Variants in TXLNB observed in about 807,000 individuals in gnomAD.
TXLNB encodes the protein taxilin beta, also known as beta-taxilin.
Under a neutral mutation model 57.4 loss-of-function variants are expected in TXLNB, and 37 were observed. The observed-to-expected ratio is 0.64, with a 90% confidence interval of 0.50 to 0.85. The LOEUF (loss-of-function observed/expected upper bound fraction) is 0.85, where lower values mean the gene tolerates loss of function less well. TXLNB is among the 40% of genes least tolerant of loss of function. The probability of loss-of-function intolerance (pLI) is 0.00; values close to 1 mark genes in which losing one functional copy is unlikely to be tolerated. For synonymous variants in TXLNB, 302 were observed against 309.6 expected, an observed-to-expected ratio of 0.98 and a Z score of 0.26; for missense variants, 848 against 825.6, an observed-to-expected ratio of 1.03 and a Z score of -0.33.
chr6:139,318,138 C>A, the TXLNB span, among the ~76,000 whole-genome samples: 18 of 151,282 alleles, frequency 1.2e-4, no homozygotes, highest in Admixed American at 8.6e-4. Flanking sequence ...GGGGTGGTGG[C>A]GGGTGCCTGT....
At chr6:139,188,925 T>C in the TXLNB span, among the ~76,000 whole-genome samples, 1 of 152,176 alleles carries the variant, frequency 6.6e-6, no homozygotes, top group Non-Finnish European at 1.5e-5. Flanking sequence ...TGGCTATCTT[T>C]TTGTATTTTT....
chr6:139,303,335 T>A, the TXLNB span, among the ~76,000 whole-genome samples: 1 of 152,166 alleles, frequency 6.6e-6, no homozygotes, highest in Non-Finnish European at 1.5e-5. Flanking sequence ...TGGCGCTGGA[T>A]GGAAGTACAC....
At chr6:139,193,837 TATA>T in the TXLNB span, among the ~76,000 whole-genome samples, 4 of 54,326 alleles carry the variant, frequency 7.4e-5, no homozygotes, top group East Asian at 6.2e-4. Context: ...TATATATATA[TATA>T]TTTTTTTTTT....
At chr6:139,278,550 CT>C (rs1776959900) in intron 2 of TXLNB, among the ~76,000 whole-genome samples, 1 of 152,204 alleles carries the variant, frequency 6.6e-6, no homozygotes. Context: ...ATCCCTTCAC[CT>C]TTGTCTTCAG....
At chr6:139,259,940 C>T (rs190057909) in intron 6 of TXLNB, among the ~76,000 whole-genome samples, 24 of 152,166 alleles carry the variant, frequency 1.6e-4, no homozygotes, top group Middle Eastern at 3.4e-3. Context: ...AAACAACTTG[C>T]GTCCAGGCGC....
the TXLNB span, among the ~76,000 whole-genome samples, chr6:139,176,121 T>C: frequency 6.6e-6 from 1 of 152,192 alleles, no homozygotes; most frequent in Non-Finnish European, 1.5e-5. This position sits in a 1 kb window ranked among gnomAD's most constrained non-coding sequence, Gnocchi z 4.5. Context: ...TAAAAGAGTG[T>C]TTATCTCAGG....
chr6:139,266,093 A>C (rs1182083990), intron 4 of TXLNB, among the ~76,000 whole-genome samples: 1 of 152,246 alleles, frequency 6.6e-6, no homozygotes, highest in East Asian at 1.9e-4. Flanking sequence ...GAATCTAACC[A>C]AATTAATTGT....
intron 2 of TXLNB, chr6:139,283,002 G>C (rs1777089412): frequency 6.9e-6 from 1 of 145,542 alleles, no homozygotes; most frequent in East Asian, 2.0e-4. Flanking sequence ...AGATACCTCT[G>C]AGCCTGGAGG....
At chr6:139,250,465 A>G (rs1776176130) in intron 7 of TXLNB, among the ~76,000 whole-genome samples, 1 of 147,844 alleles carries the variant, frequency 6.8e-6, no homozygotes, top group African/African-American at 2.5e-5. Flanking sequence ...ACTGTGCCCT[A>G]GGGTTAGCTC....
At chr6:139,159,365 G>C in the TXLNB span, 1 of 152,134 alleles carries the variant, frequency 6.6e-6, no homozygotes, top group Non-Finnish European at 1.5e-5. Flanking sequence ...TAATAAAACA[G>C]TTTTGAAACC....
chr6:139,207,984 G>A, the TXLNB span, among the ~76,000 whole-genome samples: 3 of 152,124 alleles, frequency 2.0e-5, no homozygotes, highest in South Asian at 2.1e-4. Flanking sequence ...GCTGACGTAT[G>A]AGAATTGCTT....
chr6:139,314,739 T>G, the TXLNB span, among the ~76,000 whole-genome samples: 16 of 152,306 alleles, frequency 1.1e-4, no homozygotes, highest in Non-Finnish European at 1.5e-4. Flanking sequence ...TTTGCAAAAT[T>G]ATAACTGAGG....
chr6:139,317,236 C>A, the TXLNB span, among the ~76,000 whole-genome samples: 46 of 152,102 alleles, frequency 3.0e-4, 2 homozygotes, highest in African/African-American at 9.2e-4. Context: ...AAAAAAAAGT[C>A]ATCTCTAAAA....
At chr6:139,314,987 G>A in the TXLNB span, among the ~76,000 whole-genome samples, 22 of 152,160 alleles carry the variant, frequency 1.4e-4, no homozygotes, top group Admixed American at 6.5e-4. Context: ...AAATTACAAC[G>A]TAGGGGTCAT....
chr6:139,311,977 C>T, the TXLNB span, among the ~76,000 whole-genome samples: 2 of 152,186 alleles, frequency 1.3e-5, no homozygotes, highest in African/African-American at 2.4e-5. Flanking sequence ...TAGTCTCATA[C>T]CCTCATGACC....
chr6:139,191,947 C>G, the TXLNB span, among the ~76,000 whole-genome samples: 1 of 152,182 alleles, frequency 6.6e-6, no homozygotes, highest in East Asian at 1.9e-4. Context: ...TCAATTTATC[C>G]TCTTCTGTGA....
chr6:139,311,927 T>C, the TXLNB span, among the ~76,000 whole-genome samples: 1 of 152,200 alleles, frequency 6.6e-6, no homozygotes, highest in African/African-American at 2.4e-5. Context: ...TATTACATGA[T>C]AGAGAGACTG....
chr6:139,197,332 C>A, the TXLNB span, among the ~76,000 whole-genome samples: 4 of 147,022 alleles, frequency 2.7e-5, no homozygotes, highest in Admixed American at 2.7e-4. Context: ...TGTCTGTTTT[C>A]CTCACTATAA....
chr6:139,192,099 C>G, the TXLNB span, among the ~76,000 whole-genome samples: 1 of 152,162 alleles, frequency 6.6e-6, no homozygotes. Flanking sequence ...GATCACAGTA[C>G]TAATTGGATT....
Sources: allele counts gnomAD v4.1 joint callset (sites outside exome capture counted in the v4.1 genomes callset), GRCh38; gene constraint gnomAD v4.1.1; non-coding constraint Gnocchi (gnomAD v3.1); transcripts MANE v1.5; gene names NCBI Gene and HGNC (gene_info 2026-07-23, HGNC 2026-07-21).